The following CCDC60 variants were observed in gnomAD, a reference collection of about 807,000 sequenced individuals.
CCDC60 encodes the protein coiled-coil domain containing 60.
CCDC60 carries 54 observed loss-of-function variants against 63.5 expected under a neutral mutation model. The ratio of observed to expected loss-of-function variants is 0.85; its 90% CI spans 0.68 to 1.07. The LOEUF is 1.07. CCDC60 is among the 50% of genes least tolerant of loss of function. The pLI is 0.00. For synonymous variants in CCDC60, 206 were observed against 238.8 expected (o/e 0.86, Z 1.27); for missense variants, 651 against 684.3 (o/e 0.95, Z 0.54).
chr12:119,439,481 A>G (rs1950396753), intron 2 of CCDC60, among the ~76,000 whole-genome samples: 1 of 152,212 alleles, frequency 6.6e-6, no homozygotes, highest in Non-Finnish European at 1.5e-5. Context: ...CTGACAGCGA[A>G]TGGCAATTGT....
intron 2 of CCDC60, among the ~76,000 whole-genome samples, chr12:119,432,289 C>G (rs884034): frequency 6.6e-6 from 1 of 151,892 alleles, no homozygotes; most frequent in Non-Finnish European, 1.5e-5. Context: ...GATGGCATGG[C>G]GAGGGATGAG....
At chr12:119,400,828 G>C (rs1363352595) in intron 1 of CCDC60, among the ~76,000 whole-genome samples, 3 of 142,536 alleles carry the variant, frequency 2.1e-5, no homozygotes, top group Non-Finnish European at 4.8e-5. Flanking sequence ...TGGTTCGAAT[G>C]ATGGCCATCC....
At chr12:119,461,027 G>C (rs1334587951) in intron 2 of CCDC60, among the ~76,000 whole-genome samples, 2 of 152,062 alleles carry the variant, frequency 1.3e-5, no homozygotes, top group Non-Finnish European at 2.9e-5. Flanking sequence ...CAAATAGAGA[G>C]AGAGAAATTC....
chr12:119,339,777 C>T (rs1191610298), intron 1 of CCDC60, among the ~76,000 whole-genome samples: 1 of 152,208 alleles, frequency 6.6e-6, no homozygotes, highest in East Asian at 1.9e-4. Context: ...CACTATACTC[C>T]AGCCGGGGTG....
intron 5 of CCDC60, among the ~76,000 whole-genome samples, chr12:119,495,635 T>C (rs1951701311): frequency 6.6e-6 from 1 of 152,206 alleles, no homozygotes; most frequent in Non-Finnish European, 1.5e-5. Context: ...CATAATAGCA[T>C]TTTTAAAATT....
At chr12:119,413,946 TC>T (rs1956652454) in intron 1 of CCDC60, among the ~76,000 whole-genome samples, 1 of 152,230 alleles carries the variant, frequency 6.6e-6, no homozygotes, top group African/African-American at 2.4e-5. Flanking sequence ...GCTTGTGGGT[TC>T]TTTTCTGGAT....
intron 2 of CCDC60, among the ~76,000 whole-genome samples, chr12:119,450,958 A>G (rs1359510808): frequency 6.6e-6 from 1 of 152,142 alleles, no homozygotes; most frequent in Admixed American, 6.5e-5. Context: ...TGTACTATAT[A>G]GGGAAGCATC....
intron 2 of CCDC60, among the ~76,000 whole-genome samples, chr12:119,444,679 T>A (rs2136269046): frequency 6.6e-6 from 1 of 152,290 alleles, no homozygotes; most frequent in Non-Finnish European, 1.5e-5. Flanking sequence ...TCCTCCAAGG[T>A]CTTAGAGACC....
intron 12 of CCDC60, 115 bp from the exon 13 acceptor site, chr12:119,530,759 T>C: frequency 1.2e-6 from 1 of 808,122 alleles, no homozygotes; most frequent in Non-Finnish European, 2.0e-6. Flanking sequence ...AGATAAAGAA[T>C]ACTGCTGCCC....
chr12:119,337,808 A>ATG (rs796285545), intron 1 of CCDC60, among the ~76,000 whole-genome samples: 1,819 of 138,096 alleles, frequency 0.013, 33 homozygotes, highest in African/African-American at 0.048. Context: ...AGATTCACGC[A>ATG]TGTGTGTGTG....
At chr12:119,446,932 G>A (rs141648773) in intron 2 of CCDC60, among the ~76,000 whole-genome samples, 1 of 152,298 alleles carries the variant, frequency 6.6e-6, no homozygotes, top group East Asian at 1.9e-4. Flanking sequence ...GGAAGGCTGG[G>A]TGCCTTCTAC....
chr12:119,430,774 C>T (rs1036347512), intron 2 of CCDC60, among the ~76,000 whole-genome samples: 3 of 152,064 alleles, frequency 2.0e-5, no homozygotes, highest in Non-Finnish European at 4.4e-5. Flanking sequence ...CTGGCACCTG[C>T]ACCTTCAGCT....
chr12:119,461,281 A>G (rs570886971), intron 2 of CCDC60, among the ~76,000 whole-genome samples: 1 of 152,228 alleles, frequency 6.6e-6, no homozygotes, highest in South Asian at 2.1e-4. Flanking sequence ...GGAGGAACTA[A>G]TATTTTCCCC....
At chr12:119,335,297 G>A in intron 1 of CCDC60, 31 bp downstream of exon 1, 2 of 1,506,736 alleles carry the variant, frequency 1.3e-6, no homozygotes, top group Non-Finnish European at 1.8e-6. Context: ...AACCAATCAT[G>A]TTTTCGAGAA....
intron 2 of CCDC60, chr12:119,429,447 A>T (rs1435353068): frequency 2.0e-5 from 3 of 152,228 alleles, no homozygotes; most frequent in African/African-American, 7.2e-5. Context: ...GACTTTTGGT[A>T]AAGCAACTCA....
At chr12:119,452,191 T>C (rs1338711831) in intron 2 of CCDC60, among the ~76,000 whole-genome samples, 1 of 152,218 alleles carries the variant, frequency 6.6e-6, no homozygotes, top group Non-Finnish European at 1.5e-5. Context: ...TATCCTACAC[T>C]GATGAGAGGG....
intron 2 of CCDC60, among the ~76,000 whole-genome samples, chr12:119,431,667 GTGTTTGTT>G (rs34475367): frequency 1.3e-5 from 2 of 151,810 alleles, no homozygotes; most frequent in South Asian, 2.1e-4. Flanking sequence ...TTCTGTGTTT[GTGTTTGTT>G]TGTTTGTTTG....
At position 119,410,016 on chromosome 12, in the gene CCDC60, C is replaced by G. The variant is rs1360561683; in HGVS notation, c.91-18667C>G. On this transcript the variant is annotated intron_variant, in intron 1 of 13. Coordinates refer to ENST00000327554, the MANE Select transcript of CCDC60 (RefSeq NM_178499.5). The surrounding 1 kb of genome is among the most constrained non-coding windows in gnomAD (Gnocchi z 4.0). ...ACCACTCTTGTTCCCAGATTCAGCT[C>G]CAAAGACTCAAGAGTTTGGCATCAA... 6.6e-6 allele frequency among the ~76,000 whole-genome samples: 1 copy of G among 152,172 alleles called. No individual in the cohort carries two copies. Among genetic ancestry groups the G allele is most frequent in the South Asian group, 2.1e-4 (1 of 4,824 alleles).
intron 5 of CCDC60, among the ~76,000 whole-genome samples, chr12:119,497,412 A>C (rs1245483872): frequency 6.6e-6 from 1 of 152,216 alleles, no homozygotes; most frequent in Non-Finnish European, 1.5e-5. Context: ...CCAGCTAACC[A>C]GGCCTTTTCT....
Sources: gnomAD v4.1 joint callset for allele counts (sites outside exome capture counted in the v4.1 genomes callset) on GRCh38, gnomAD v4.1.1 for gene constraint, Gnocchi (gnomAD v3.1) non-coding constraint, MANE v1.5 for transcripts, NCBI Gene and HGNC (gene_info 2026-07-23, HGNC 2026-07-21) for gene names.